The following MBD5 variants were observed in gnomAD, a reference collection of about 807,000 sequenced individuals.
MBD5 encodes methyl-CpG-binding domain protein 5.
A neutral mutation model predicts 117.3 loss-of-function variants in MBD5; 13 were observed. The ratio of observed to expected loss-of-function variants is 0.11; its 90% CI spans 0.07 to 0.18. The LOEUF (loss-of-function observed/expected upper bound fraction) is 0.18, where lower values mean the gene tolerates loss of function less well. MBD5 is among the 10% of genes least tolerant of loss of function. The probability of loss-of-function intolerance (pLI) is 1.00; values close to 1 mark genes in which losing one functional copy is unlikely to be tolerated. For missense variants in MBD5, 1,879 were observed against 2,093.8 expected, an observed-to-expected ratio of 0.90 and a Z score of 2.00; for synonymous variants, 727 against 766.4, an observed-to-expected ratio of 0.95 and a Z score of 0.85.
intron 12 of MBD5, among the ~76,000 whole-genome samples, chr2:148,507,781 T>C (rs530272816): frequency 4.4e-4 from 67 of 151,890 alleles, no homozygotes; most frequent in African/African-American, 1.6e-3. Context: ...AAAAAAATTC[T>C]TGGCACATAG....
intron 1 of MBD5, among the ~76,000 whole-genome samples, chr2:148,137,909 A>G (rs1272368391): frequency 2.6e-5 from 4 of 152,222 alleles, no homozygotes; most frequent in Non-Finnish European, 5.9e-5. Flanking sequence ...CTACATGTGT[A>G]GTAGGCTATA....
At chr2:148,474,237 G>C (rs1231579373) in intron 8 of MBD5, among the ~76,000 whole-genome samples, 1 of 152,066 alleles carries the variant, frequency 6.6e-6, no homozygotes, top group Non-Finnish European at 1.5e-5. Context: ...AAAATGCCCA[G>C]GCCTCTTTAA....
chr2:148,203,846 A>C (rs1302380840), intron 2 of MBD5, among the ~76,000 whole-genome samples: 7 of 124,974 alleles, frequency 5.6e-5, no homozygotes, highest in Non-Finnish European at 1.2e-4. Flanking sequence ...ACGATCAGAG[A>C]ATAGATTGTG....
At chr2:148,271,036 C>G (rs558040922) in intron 3 of MBD5, among the ~76,000 whole-genome samples, 16 of 152,268 alleles carry the variant, frequency 1.1e-4, no homozygotes, top group African/African-American at 3.8e-4. Flanking sequence ...CCTCATATCT[C>G]ATATCTCACT....
intron 4 of MBD5, among the ~76,000 whole-genome samples, chr2:148,406,813 A>G (rs1574390545): frequency 6.6e-6 from 1 of 152,280 alleles, no homozygotes; most frequent in East Asian, 1.9e-4. Context: ...TCTTCCCCTG[A>G]TTCTCTTCCT....
intron 3 of MBD5, among the ~76,000 whole-genome samples, chr2:148,295,436 G>A (rs1324710742): frequency 6.6e-6 from 1 of 152,004 alleles, no homozygotes; most frequent in African/African-American, 2.4e-5. Flanking sequence ...TGTGTGCAAA[G>A]AGTATTAGTG....
At chr2:148,066,373 A>G (rs931742612) in intron 1 of MBD5, among the ~76,000 whole-genome samples, 1 of 152,014 alleles carries the variant, frequency 6.6e-6, no homozygotes, top group African/African-American at 2.4e-5. Context: ...TAAATATTTT[A>G]TATTTATCTC....
At chr2:148,335,875 G>T (rs889566603) in intron 3 of MBD5, among the ~76,000 whole-genome samples, 1 of 152,124 alleles carries the variant, frequency 6.6e-6, no homozygotes, top group African/African-American at 2.4e-5. Context: ...TTTTATGGAT[G>T]AAGACTCAAA....
At chr2:148,327,417 T>C (rs1047127087) in intron 3 of MBD5, among the ~76,000 whole-genome samples, 1 of 152,210 alleles carries the variant, frequency 6.6e-6, no homozygotes, top group African/African-American at 2.4e-5. Flanking sequence ...TCCTGGATAA[T>C]ATCCTTTAGA....
chr2:148,329,854 T>C (rs2105033819), intron 3 of MBD5, among the ~76,000 whole-genome samples: 1 of 152,188 alleles, frequency 6.6e-6, no homozygotes, highest in East Asian at 1.9e-4. Flanking sequence ...ATAACTTGCT[T>C]TGTGTAGACA....
chr2:148,045,276 T>C (rs1250462440), intron 1 of MBD5, among the ~76,000 whole-genome samples: 1 of 152,220 alleles, frequency 6.6e-6, no homozygotes, highest in Non-Finnish European at 1.5e-5. Flanking sequence ...AAGCATATTT[T>C]GGTGAACTCA....
At chr2:148,336,024 C>T (rs984331749) in intron 3 of MBD5, among the ~76,000 whole-genome samples, 4 of 152,042 alleles carry the variant, frequency 2.6e-5, no homozygotes, top group Non-Finnish European at 5.9e-5. Flanking sequence ...GTGTGGTTTC[C>T]ACATATGGGA....
At chr2:148,085,215 G>A (rs1695747039) in intron 1 of MBD5, among the ~76,000 whole-genome samples, 1 of 152,174 alleles carries the variant, frequency 6.6e-6, no homozygotes, top group Admixed American at 6.5e-5. Flanking sequence ...TCCGTATAAA[G>A]CAAGGTTCCC....
At chr2:148,341,475 G>T (rs1268169455) in intron 3 of MBD5, among the ~76,000 whole-genome samples, 1 of 151,852 alleles carries the variant, frequency 6.6e-6, no homozygotes, top group East Asian at 1.9e-4. Context: ...GATTAAGTGA[G>T]GATTAAATTA....
chr2:148,051,893 C>G (rs1338407692), intron 1 of MBD5, among the ~76,000 whole-genome samples: 1 of 151,596 alleles, frequency 6.6e-6, no homozygotes. Flanking sequence ...ATTCTTTCCT[C>G]TTCTGTTTTT....
chr2:148,379,084 A>G (rs530827664), intron 4 of MBD5, among the ~76,000 whole-genome samples: 3 of 152,222 alleles, frequency 2.0e-5, no homozygotes, highest in South Asian at 4.1e-4. Context: ...CAAATGAAAG[A>G]AAGATAATAT....
chr2:148,108,640 G>T (rs867558209), intron 1 of MBD5, among the ~76,000 whole-genome samples: 2 of 152,082 alleles, frequency 1.3e-5, no homozygotes, highest in African/African-American at 2.4e-5. Context: ...TTCAGTACCA[G>T]TCTTAACTTA....
intron 1 of MBD5, among the ~76,000 whole-genome samples, chr2:148,154,336 G>A (rs921793786): frequency 6.6e-6 from 1 of 151,926 alleles, no homozygotes; most frequent in Admixed American, 6.5e-5. Context: ...TCTCTTCAAA[G>A]CTGTCAGACA....
intron 4 of MBD5, among the ~76,000 whole-genome samples, chr2:148,391,499 T>C (rs1704571855): frequency 6.6e-6 from 1 of 152,194 alleles, no homozygotes; most frequent in Non-Finnish European, 1.5e-5. Context: ...TAAATCTTTT[T>C]CCTGCCTGAA....
Sources: gnomAD v4.1 joint callset for allele counts (sites outside exome capture counted in the v4.1 genomes callset) on GRCh38, gnomAD v4.1.1 for gene constraint, MANE v1.5 for transcripts, NCBI Gene and HGNC (gene_info 2026-07-23, HGNC 2026-07-21) for gene names.